ERC2: variants seen among roughly 807,000 people sequenced by gnomAD.
ERC2 encodes the protein ERC protein 2.
ERC2 carries 42 observed loss-of-function variants against 114.8 expected under a neutral mutation model. The ratio of observed to expected loss-of-function variants is 0.37; its 90% CI spans 0.29 to 0.47. The LOEUF (loss-of-function observed/expected upper bound fraction) is 0.47. Ranked by LOEUF, ERC2 falls within the 20% of genes least tolerant of loss-of-function variation. ERC2 has a pLI of 0.99. For synonymous variants in ERC2, 454 were observed against 425.5 expected, an observed-to-expected ratio of 1.07 and a Z score of -0.82; for missense variants, 939 against 1,150.7, an observed-to-expected ratio of 0.82 and a Z score of 2.66.
rs191976988 is a variant in ERC2 at position 55,613,430 on chromosome 3, A to C, written c.*39+70364T>G. ...GCGGTGTCACAAACTCCTTTGGGAG[A>C]ATCTGATAAAAGCTATGGACCTTCA... On this transcript the variant is annotated intron_variant, in intron 17 of 17. Transcript: ENST00000288221. Among the ~76,000 whole-genome samples, 4 of 152,318 alleles carry C rather than the reference A, an allele frequency of 2.6e-5. No homozygotes were observed. In the East Asian group the frequency reaches 7.7e-4, roughly 29 times the overall value.
At chr3:55,753,409 C>G (rs1408437701) in intron 14 of ERC2, among the ~76,000 whole-genome samples, 1 of 152,190 alleles carries the variant, frequency 6.6e-6, no homozygotes, top group African/African-American at 2.4e-5. Flanking sequence ...AAGAGGTTCA[C>G]AGAAGATCCC....
chr3:55,672,253 C>T (rs1446138923), intron 17 of ERC2, among the ~76,000 whole-genome samples: 4 of 150,978 alleles, frequency 2.6e-5, no homozygotes, highest in Admixed American at 6.6e-5. Context: ...TGGAGGATCT[C>T]GCTTGAACCC....
intron 2 of ERC2, among the ~76,000 whole-genome samples, chr3:56,359,440 ACT>A (rs1259338016): frequency 1.3e-5 from 2 of 152,176 alleles, no homozygotes; most frequent in Middle Eastern, 3.2e-3. Flanking sequence ...CAATAAACAA[ACT>A]CTGTCAGCTG....
chr3:55,671,781 C>T (rs2061569988), intron 17 of ERC2, among the ~76,000 whole-genome samples: 1 of 152,152 alleles, frequency 6.6e-6, no homozygotes, highest in Non-Finnish European at 1.5e-5. Context: ...TGGAAAATGG[C>T]TCATCCTATA....
chr3:56,031,389 C>T (rs985320468), intron 7 of ERC2, among the ~76,000 whole-genome samples: 10 of 152,180 alleles, frequency 6.6e-5, no homozygotes, highest in African/African-American at 2.4e-4. Flanking sequence ...CCATGGCTGG[C>T]CCCATGCAAC....
intron 6 of ERC2, among the ~76,000 whole-genome samples, chr3:56,105,699 C>T (rs1405703326): frequency 6.6e-6 from 1 of 152,150 alleles, no homozygotes; most frequent in African/African-American, 2.4e-5. Context: ...GTGGGAGAAG[C>T]AGGGAGAAGT....
At chr3:56,369,608 C>T (rs71309948) in intron 2 of ERC2, among the ~76,000 whole-genome samples, 3,406 of 152,206 alleles carry the variant, frequency 0.022, 60 homozygotes, top group Non-Finnish European at 0.037. Flanking sequence ...CCAGATGCTC[C>T]GGTTGTAACT....
chr3:56,346,997 C>T (rs78211236), intron 2 of ERC2, among the ~76,000 whole-genome samples: 3,417 of 152,222 alleles, frequency 0.022, 144 homozygotes, highest in African/African-American at 0.077. Context: ...CACTGTTGCA[C>T]TGGGGATTAA....
intron 3 of ERC2, among the ~76,000 whole-genome samples, chr3:56,213,840 G>A (rs2049255726): frequency 6.6e-6 from 1 of 152,062 alleles, no homozygotes; most frequent in South Asian, 2.1e-4. Flanking sequence ...AGCAACATCT[G>A]CTGTTCAGTA....
intron 14 of ERC2, among the ~76,000 whole-genome samples, chr3:55,829,589 A>C (rs1225189747): frequency 1.3e-5 from 2 of 152,194 alleles, no homozygotes; most frequent in African/African-American, 4.8e-5. Flanking sequence ...ATTACGTCTT[A>C]CTGAAGTTTC....
intron 6 of ERC2, among the ~76,000 whole-genome samples, chr3:56,090,249 T>C (rs1034670679): frequency 1.3e-5 from 2 of 152,216 alleles, no homozygotes; most frequent in African/African-American, 2.4e-5. Flanking sequence ...TGCCCATCTC[T>C]TACCCTATGC....
At chr3:55,960,099 C>T (rs377254745) in intron 12 of ERC2, among the ~76,000 whole-genome samples, 1 of 152,170 alleles carries the variant, frequency 6.6e-6, no homozygotes, top group Admixed American at 6.5e-5. Context: ...TTCTTGCCTC[C>T]CTGGTCTCCC....
chr3:55,994,136 T>A (rs965663775), intron 10 of ERC2, among the ~76,000 whole-genome samples: 2 of 152,136 alleles, frequency 1.3e-5, no homozygotes, highest in East Asian at 3.9e-4. Flanking sequence ...TTTACAGCAG[T>A]TAAAAACCTT....
At chr3:56,267,159 T>G (rs1172719190) in intron 3 of ERC2, among the ~76,000 whole-genome samples, 4 of 152,146 alleles carry the variant, frequency 2.6e-5, no homozygotes, top group African/African-American at 9.7e-5. Flanking sequence ...TCCAATTAGT[T>G]TTTCCTTTGA....
At chr3:56,196,041 G>C (rs1045730316) in intron 3 of ERC2, among the ~76,000 whole-genome samples, 1 of 152,078 alleles carries the variant, frequency 6.6e-6, no homozygotes, top group African/African-American at 2.4e-5. Context: ...AGCACGAGGA[G>C]AGTATATGCA....
intron 1 of ERC2, among the ~76,000 whole-genome samples, chr3:56,448,240 C>G (rs1373367866): frequency 6.6e-6 from 1 of 152,168 alleles, no homozygotes; most frequent in Non-Finnish European, 1.5e-5. Flanking sequence ...CTATTATAAA[C>G]CCCTACACTG....
chr3:56,409,852 T>C (rs532157355), intron 2 of ERC2, among the ~76,000 whole-genome samples: 116 of 152,348 alleles, frequency 7.6e-4, no homozygotes, highest in Middle Eastern at 6.8e-3. Context: ...GAACACGTAC[T>C]CTGTGCTCTG....
chr3:55,589,693 G>A (rs2057779305), intron 17 of ERC2, among the ~76,000 whole-genome samples: 2 of 152,098 alleles, frequency 1.3e-5, no homozygotes, highest in African/African-American at 4.8e-5. Context: ...GAGGGGCAGT[G>A]AGGGGAGGGC....
At chr3:55,781,736 G>A (rs116562219) in intron 14 of ERC2, among the ~76,000 whole-genome samples, 24,088 of 151,816 alleles carry the variant, frequency 0.16, 2,096 homozygotes, top group East Asian at 0.23. Flanking sequence ...GCTGGGTGAT[G>A]TGGCCGGCGC....
Sources: gnomAD v4.1 joint callset for allele counts (sites outside exome capture counted in the v4.1 genomes callset) on GRCh38, gnomAD v4.1.1 for gene constraint, MANE v1.5 for transcripts, NCBI Gene and HGNC (gene_info 2026-07-23, HGNC 2026-07-21) for gene names.